The following KIF20A variants were observed in gnomAD, a reference collection of about 807,000 sequenced individuals.
KIF20A encodes kinesin-like protein KIF20A.
Under a neutral mutation model 113.0 loss-of-function variants are expected in KIF20A, and 66 were observed. The ratio of observed to expected loss-of-function variants is 0.58; its 90% CI spans 0.48 to 0.72. The LOEUF (loss-of-function observed/expected upper bound fraction) is 0.72, where lower values mean the gene tolerates loss of function less well. Ranked by LOEUF, KIF20A falls within the 30% of genes least tolerant of loss-of-function variation. The probability of loss-of-function intolerance (pLI) is 0.00; values close to 1 mark genes in which losing one functional copy is unlikely to be tolerated. For synonymous variants in KIF20A, 376 were observed against 402.3 expected (o/e 0.93, Z 0.78); for missense variants, 927 against 1,077.6 (o/e 0.86, Z 1.96).
chr5:138,184,207 T>G, intron 11 of KIF20A, 32 bp from the exon 12 acceptor site: 1 of 1,612,690 alleles, frequency 6.2e-7, no homozygotes, highest in African/African-American at 1.3e-5. Context: ...GGTGTTCTGC[T>G]CACAGCTCTA....
In KIF20A at chr5:138,183,848, CCTT is replaced by C. The variant is rs1192134262; in HGVS notation, c.1208+96_1208+98del. On this transcript the variant is annotated intron_variant, in intron 10 of 18. Transcript: ENST00000394894. This position sits in a 1 kb window ranked among gnomAD's most constrained non-coding sequence, Gnocchi z 5.2. ...GGTCCTCAGGGGAACTATGTGTTCT[CCTT>C]CTTTGGGTACAGAGATTCTTAGTGG... The C allele has an allele frequency of 3.8e-6, 6 of 1,576,410 alleles. No individual in the cohort carries two copies. In the African/African-American group the frequency reaches 6.8e-5, roughly 18 times the overall value.
At chr5:138,181,040 A>G (rs999369973) in intron 2 of KIF20A, among the ~76,000 whole-genome samples, 3 of 152,270 alleles carry the variant, frequency 2.0e-5, no homozygotes, top group Admixed American at 2.0e-4. Context: ...AGATGAGGAA[A>G]CTGAGGCCAA....
chr5:138,182,580 C>T lies in KIF20A; in HGVS notation c.515-6C>T, dbSNP rs1581477750. On this transcript the variant is annotated splice_polypyrimidine_tract_variant and splice_region_variant and intron_variant, in intron 5 of 18. Coordinates refer to ENST00000394894, the MANE Select transcript of KIF20A (RefSeq NM_005733.3). Reference sequence around the variant, plus strand: ...CCTCAGCTGTCCATCTTTCATATGCCTCCAGGTACCATCAAGGATGGAGGG... The same window carrying T: ...CCTCAGCTGTCCATCTTTCATATGCTTCCAGGTACCATCAAGGATGGAGGG... 1 of 1,614,134 alleles carries T rather than the reference C, an allele frequency of 6.2e-7. No homozygotes were observed. Among genetic ancestry groups the T allele is most frequent in the Non-Finnish European group, 8.5e-7 (1 of 1,179,992 alleles).
In KIF20A at chr5:138,183,653, ATG is replaced by A. The variant is rs1181744075; in HGVS notation, c.1140-32_1140-31del. ...TTAGTCCTCTGCCTGGTCATGGAAA[ATG>A]TGCAATGACTTTTTGTTTTTCTTAA... is the stretch of plus-strand genomic sequence containing the variant. On this transcript the variant is annotated intron_variant, in intron 9 of 18. Coordinates refer to ENST00000394894, the MANE Select transcript of KIF20A (RefSeq NM_005733.3). The surrounding 1 kb of genome is among the most constrained non-coding windows in gnomAD (Gnocchi z 5.2). 6.2e-7 allele frequency: 1 copy of A among 1,610,748 alleles called. No individual in the cohort carries two copies. Among genetic ancestry groups the A allele is most frequent in the Non-Finnish European group, 8.5e-7 (1 of 1,177,246 alleles).
Position 138,179,685 on chromosome 5 carries a change from C to T in KIF20A, c.5C>T (p.Ser2Leu). M[S>L]QGILSPPAGL... is the part of the protein sequence containing the mutation. ...ACCTAGGCTGCCCCTGCCGTCATGT[C>T]GCAAGGGATCCTTTCTCCGCCAGCG... The change falls in exon 2 of 19, where the codon TCG (serine) becomes TTG (leucine). Residue 2 changes from serine (S) to leucine (L), a missense_variant. Transcript: ENST00000394894. 1.2e-6 allele frequency: 2 copies of T among 1,613,986 alleles called. No individual in the cohort carries two copies. The highest frequency in any genetic ancestry group is 8.5e-7 in the Non-Finnish European group (1 of 1,179,994).
In KIF20A at chr5:138,181,342, C is replaced by T; in HGVS notation, c.166-80C>T. On this transcript the variant is annotated intron_variant, in intron 2 of 18. Coordinates refer to ENST00000394894, the MANE Select transcript of KIF20A (RefSeq NM_005733.3). ...AAATGGGGTAGTGTTATCATAGTTC[C>T]TAGAAACTACTGTTTGCCCATTTGC... The T allele has an allele frequency of 2.6e-6, 3 of 1,142,308 alleles. No individual in the cohort carries two copies. In the South Asian group the frequency reaches 3.8e-5, roughly 15 times the overall value. The allele number at this position is 1,142,308 out of a possible 1,614,324, so 70.8% of individuals were successfully genotyped here. A position where few individuals can be genotyped will look rare whatever the true frequency, so the allele number is the denominator to read the frequency against.
In KIF20A at chr5:138,187,520, G is replaced by T; in HGVS notation, c.*107G>T. 1.2e-6 allele frequency: 1 copy of T among 864,472 alleles called. No homozygotes were observed. Among genetic ancestry groups the T allele is most frequent in the Non-Finnish European group, 1.8e-6 (1 of 569,176 alleles). 53.6% of individuals were successfully genotyped at this position (864,472 alleles called of 1,614,324 possible). A position where few individuals can be genotyped will look rare whatever the true frequency, so the allele number is the denominator to read the frequency against. ...TACCATATATCAGGAATTATATCCA[G>T]GATGCAATACTCAGACACTAGCTTT... is the stretch of plus-strand genomic sequence containing the variant. On this transcript the variant is annotated 3_prime_UTR_variant, in exon 19 of 19. Coordinates refer to ENST00000394894, the MANE Select transcript of KIF20A (RefSeq NM_005733.3).
At chr5:138,186,258 T>C in intron 17 of KIF20A, 36 bp from the exon 18 acceptor site, 8 of 1,575,832 alleles carry the variant, frequency 5.1e-6, no homozygotes, top group Non-Finnish European at 6.9e-6. Context: ...CTGGTTGCTC[T>C]TGGCCACAAT....
chr5:138,187,298 T>G lies in KIF20A; in HGVS notation c.2558T>G (p.Leu853Ter), dbSNP rs779155766. The change falls in exon 19 of 19, where the codon TTA becomes TGA. Residue 853 changes from leucine (L) to a stop codon, truncating the protein, a stop_gained. Transcript: ENST00000394894. LOFTEE classifies it high-confidence loss of function. ...GGGAAGAAACCATTCCTTCGAAATT[T>G]ACTTCCCCGAACACCAACCTGCCAA... Reference protein sequence around the residue: ...PPGKKPFLRNLLPRTPTCQSS... With the variant: ...PPGKKPFLRN The G allele has an allele frequency of 1.9e-6, 3 of 1,614,004 alleles. No individual in the cohort carries two copies. Among genetic ancestry groups the G allele is most frequent in the African/African-American group, 2.7e-5 (2 of 74,906 alleles).
Position 138,181,791 on chromosome 5 carries a change from T to A in KIF20A, c.375+63T>A, listed in dbSNP as rs1754666349. On this transcript the variant is annotated intron_variant, in intron 4 of 18. Coordinates refer to ENST00000394894, the MANE Select transcript of KIF20A (RefSeq NM_005733.3). ...TGTAAGGGCAACTTTATTCCCTCTT[T>A]AGAGGGAAAGCTTCTCTTCCTGACT... 4 of 1,573,954 alleles carry A rather than the reference T, an allele frequency of 2.5e-6. No homozygotes were observed. In the East Asian group the frequency reaches 9.0e-5, roughly 35 times the overall value.
intron 4 of KIF20A, 88 bp downstream of exon 4, chr5:138,181,816 T>G: frequency 2.0e-6 from 3 of 1,506,334 alleles, no homozygotes; most frequent in South Asian, 1.2e-5. Context: ...TCTTCCTGAC[T>G]GTGAGTTCCT....
chr5:138,179,851 G>A lies in KIF20A; in HGVS notation c.165+6G>A, dbSNP rs1260083527. 1 of 1,613,806 alleles carries A rather than the reference G, an allele frequency of 6.2e-7. No individual in the cohort carries two copies. The highest frequency in any genetic ancestry group is 1.7e-5 in the Admixed American group (1 of 59,986). On this transcript the variant is annotated splice_donor_region_variant and intron_variant, in intron 2 of 18. Transcript: ENST00000394894. ...CCCTAGAGGACAAGCAGCAGGTAAAGGAACTGGGGAGTGGCTGGGGCGGAA... is the reference window on the plus strand; with the variant it reads ...CCCTAGAGGACAAGCAGCAGGTAAAAGAACTGGGGAGTGGCTGGGGCGGAA...
chr5:138,179,607 C>CCCTTCT, intron 1 of KIF20A, 53 bp from the exon 2 acceptor site: 2 of 1,530,516 alleles, frequency 1.3e-6, no homozygotes, highest in South Asian at 2.3e-5. Flanking sequence ...AATTCGCGGC[C>CCCTTCT]CCTTCTGTCC....
Position 138,183,509 on chromosome 5 carries a change from G to A in KIF20A, c.1067G>A (p.Trp356Ter), listed in dbSNP as rs767606123. The change falls in exon 9 of 19, where the codon TGG becomes TAG. Residue 356 changes from tryptophan to a stop codon, truncating the protein, a stop_gained. Coordinates refer to ENST00000394894, the MANE Select transcript of KIF20A (RefSeq NM_005733.3). LOFTEE classifies it high-confidence loss of function. The surrounding 1 kb of genome is among the most constrained non-coding windows in gnomAD (Gnocchi z 5.2). Reference protein sequence around the residue: ...WIHVQDAEEAWKLLKVGRKNQ... With the variant: ...WIHVQDAEEA ...CATGTGCAAGATGCTGAGGAGGCCT[G>A]GAAGCTCCTAAAAGTGGGTCGTAAG... The A allele has an allele frequency of 1.9e-6, 3 of 1,614,088 alleles. No individual in the cohort carries two copies. In the East Asian group the frequency reaches 6.7e-5, roughly 36 times the overall value.
intron 18 of KIF20A, among the ~76,000 whole-genome samples, chr5:138,186,869 C>T (rs539714114): frequency 6.6e-6 from 1 of 152,308 alleles, no homozygotes; most frequent in Non-Finnish European, 1.5e-5. Flanking sequence ...TTTACTCAAG[C>T]TCATACTACC....
Position 138,179,792 on chromosome 5 carries a change from A to T in KIF20A, c.112A>T (p.Asn38Tyr), listed in dbSNP as rs1301687993. ...AADLGSVVRKNLLSDCSVVST... is the reference protein window; with the variant it reads ...AADLGSVVRKYLLSDCSVVST... ...AGATTTGGGGTCTGTGGTACGCAAG[A>T]ACCTGCTATCAGACTGCTCTGTCGT... Residue 38 changes from asparagine (N) to tyrosine (Y), a missense_variant, in exon 2 of 19, where the codon AAC becomes TAC. Transcript: ENST00000394894. The T allele has an allele frequency of 6.2e-7, 1 of 1,614,134 alleles. No homozygotes were observed. The highest frequency in any genetic ancestry group is 2.2e-5 in the East Asian group (1 of 44,874).
Position 138,182,791 on chromosome 5 carries a change from A to G in KIF20A, c.702+18A>G, listed in dbSNP as rs763161696. 6.2e-7 allele frequency: 1 copy of G among 1,613,678 alleles called. No homozygotes were observed. On this transcript the variant is annotated intron_variant, in intron 6 of 18. Transcript: ENST00000394894. ...TCCAAGAGGTAAAGCATTGGTATCC[A>G]TGGCAGTGGGGGTAGGGGGTACAAA...
Position 138,187,482 on chromosome 5 carries a change from C to A in KIF20A, c.*69C>A. Reference sequence around the variant, plus strand: ...CAGCTACTCTCCTGAAGAAATAGGTCTCTTTTATGCTTTACCATATATCAG... The same window carrying A: ...CAGCTACTCTCCTGAAGAAATAGGTATCTTTTATGCTTTACCATATATCAG... On this transcript the variant is annotated 3_prime_UTR_variant, in exon 19 of 19. Coordinates refer to ENST00000394894, the MANE Select transcript of KIF20A (RefSeq NM_005733.3). The A allele has an allele frequency of 8.1e-7, 1 of 1,227,314 alleles. No homozygotes were observed. The highest frequency in any genetic ancestry group is 1.1e-6 in the Non-Finnish European group (1 of 876,226). The allele number at this position is 1,227,314 out of a possible 1,614,324, so 76.0% of individuals were successfully genotyped here. A position where few individuals can be genotyped will look rare whatever the true frequency, so the allele number is the denominator to read the frequency against.
rs1754767078 is a variant in KIF20A at position 138,187,559 on chromosome 5, T to A, written c.*146T>A. The A allele has an allele frequency of 1.6e-6, 1 of 640,026 alleles. No homozygotes were observed. The highest frequency in any genetic ancestry group is 3.3e-5 in the Admixed American group (1 of 30,212). 39.6% of individuals were successfully genotyped at this position (640,026 alleles called of 1,614,324 possible). A position where few individuals can be genotyped will look rare whatever the true frequency, so the allele number is the denominator to read the frequency against. On this transcript the variant is annotated 3_prime_UTR_variant, in exon 19 of 19. Coordinates refer to ENST00000394894, the MANE Select transcript of KIF20A (RefSeq NM_005733.3). Reference sequence around the variant, plus strand: ...GACACTAGCTTTTTTCTCACTTTTGTATTATAACCACCTATGTAATCTCAT... The same window carrying A: ...GACACTAGCTTTTTTCTCACTTTTGAATTATAACCACCTATGTAATCTCAT...
Sources: allele counts gnomAD v4.1 joint callset (sites outside exome capture counted in the v4.1 genomes callset), GRCh38; gene constraint gnomAD v4.1.1; non-coding constraint Gnocchi (gnomAD v3.1); transcripts MANE v1.5; gene names NCBI Gene and HGNC (gene_info 2026-07-23, HGNC 2026-07-21).